OTOA: variants seen among roughly 807,000 people sequenced by gnomAD.
The protein encoded by OTOA is cancer/testis antigen 108.
OTOA carries 70 observed loss-of-function variants against 110.8 expected under a neutral mutation model. The observed-to-expected ratio is 0.63, with a 90% CI of 0.52 to 0.77. The LOEUF (loss-of-function observed/expected upper bound fraction) is 0.77, where lower values mean the gene tolerates loss of function less well. Ranked by LOEUF, OTOA falls within the 30% of genes least tolerant of loss-of-function variation. The pLI is 0.00. For missense variants in OTOA, 917 were observed against 1,075.8 expected (o/e 0.85, Z 2.06); for synonymous variants, 373 against 431.5 (o/e 0.86, Z 1.68).
intron 23 of OTOA, among the ~76,000 whole-genome samples, chr16:21,743,177 ACT>A (rs1899536480): frequency 2.1e-5 from 3 of 143,020 alleles, no homozygotes; most frequent in South Asian, 5.1e-4. Flanking sequence ...TTTACATAGC[ACT>A]TATATTGCAT....
chr16:21,674,585 C>T (rs902611974), intron 1 of OTOA, among the ~76,000 whole-genome samples: 2 of 151,908 alleles, frequency 1.3e-5, no homozygotes, highest in Non-Finnish European at 1.5e-5. Flanking sequence ...TCACCCACCT[C>T]GGCCTTCCAA....
chr16:21,759,368 G>A (rs1268574574), intron 28 of OTOA, among the ~76,000 whole-genome samples: 2 of 152,072 alleles, frequency 1.3e-5, no homozygotes, highest in African/African-American at 2.4e-5. Context: ...TACTTTGGAG[G>A]GAGTTCTGTA....
chr16:21,685,501 G>C, intron 7 of OTOA, 140 bp downstream of exon 7: 5 of 1,198,730 alleles, frequency 4.2e-6, no homozygotes, highest in Non-Finnish European at 5.8e-6. Context: ...CAACCCCCTG[G>C]GGGCTTTAGG....
chr16:21,701,581 A>C (rs1171800493), intron 11 of OTOA, among the ~76,000 whole-genome samples: 1 of 152,056 alleles, frequency 6.6e-6, no homozygotes, highest in Non-Finnish European at 1.5e-5. Flanking sequence ...AATGGGAAGG[A>C]GGTGGTGAGT....
intron 6 of OTOA, among the ~76,000 whole-genome samples, chr16:21,683,455 G>C (rs755329021): frequency 1.3e-5 from 2 of 152,134 alleles, no homozygotes; most frequent in Non-Finnish European, 2.9e-5. Flanking sequence ...CACTTTGAGA[G>C]GCATAGGTGG....
intron 6 of OTOA, chr16:21,684,311 A>G: frequency 2.2e-6 from 3 of 1,343,152 alleles, no homozygotes; most frequent in Non-Finnish European, 2.9e-6. Flanking sequence ...CACACTGGGC[A>G]TGTCTGTTTA....
At chr16:21,690,438 T>A (rs1897806888) in intron 8 of OTOA, among the ~76,000 whole-genome samples, 2 of 148,230 alleles carry the variant, frequency 1.3e-5, no homozygotes, top group South Asian at 4.5e-4. Context: ...AGTGAGAACA[T>A]GGGGTGTTTC....
rs1280503799 is a variant in OTOA, at chr16:21,753,337, CTCT to C, written c.3153+220_3153+222del. On this transcript the variant is annotated intron_variant, in intron 27 of 28. Coordinates refer to ENST00000646100, the MANE Select transcript of OTOA (RefSeq NM_144672.4). The stretch of plus-strand genomic sequence containing the variant: ...TTATATTTATTTTTACGGTCATCTT[CTCT>C]TCTTCTAGCAGGTGGTACTGATTTT... 4.0e-5 allele frequency among the ~76,000 whole-genome samples: 4 copies of C among 99,180 alleles called. 1 individual carries two copies. The highest frequency in any genetic ancestry group is 8.6e-5 in the Non-Finnish European group (4 of 46,602). The allele number at this position is 99,180 out of a possible 152,430, so 65.1% of individuals were successfully genotyped here.
At chr16:21,717,707 G>A (rs901803001) in intron 15 of OTOA, among the ~76,000 whole-genome samples, 5 of 152,114 alleles carry the variant, frequency 3.3e-5, no homozygotes, top group African/African-American at 2.4e-5. Flanking sequence ...TAGTACCATC[G>A]TTGACTACCT....
At chr16:21,668,117 G>T (rs112639405) in intron 1 of OTOA, among the ~76,000 whole-genome samples, 3,913 of 152,024 alleles carry the variant, frequency 0.026, 71 homozygotes, top group Middle Eastern at 0.071. Context: ...ACAATTTTTT[G>T]GGTTTTTTTG....
At chr16:21,724,192 T>C (rs1234286964) in intron 18 of OTOA, among the ~76,000 whole-genome samples, 3 of 152,160 alleles carry the variant, frequency 2.0e-5, no homozygotes, top group African/African-American at 4.8e-5. Flanking sequence ...CCAGATGGGT[T>C]TCATGCAGCC....
At chr16:21,735,750 CGACT>C (rs1342488312) in intron 21 of OTOA, among the ~76,000 whole-genome samples, 2 of 152,036 alleles carry the variant, frequency 1.3e-5, no homozygotes, top group African/African-American at 4.8e-5. Context: ...CATGCCACCA[CGACT>C]GACTAATTTT....
intron 8 of OTOA, among the ~76,000 whole-genome samples, chr16:21,690,097 T>C (rs1897797917): frequency 1.3e-5 from 2 of 152,146 alleles, no homozygotes; most frequent in South Asian, 4.1e-4. Context: ...AGACAATATG[T>C]ATGGAATATT....
intron 6 of OTOA, 91 bp from the exon 7 acceptor site, chr16:21,685,139 G>A (rs1350114894): frequency 1.1e-5 from 17 of 1,529,414 alleles, no homozygotes; most frequent in East Asian, 9.2e-5. Context: ...TGCAGGGAAT[G>A]AGGGGGCCGG....
At chr16:21,675,400 GC>G (rs1966855919) in intron 1 of OTOA, among the ~76,000 whole-genome samples, 1 of 127,312 alleles carries the variant, frequency 7.9e-6, no homozygotes, top group Admixed American at 1.0e-4. Context: ...CAAGTGATTT[GC>G]CCACCTCAAC....
chr16:21,679,993 A>G (rs2141653796), intron 5 of OTOA, among the ~76,000 whole-genome samples: 1 of 152,238 alleles, frequency 6.6e-6, no homozygotes, highest in East Asian at 1.9e-4. Flanking sequence ...GGAAACGCCA[A>G]TATTAATAAA....
intron 21 of OTOA, among the ~76,000 whole-genome samples, chr16:21,733,617 G>T (rs1389846422): frequency 6.7e-6 from 1 of 149,830 alleles, no homozygotes; most frequent in Non-Finnish European, 1.5e-5. Flanking sequence ...CTGGGCCCAT[G>T]GGCAGGCCTT....
chr16:21,687,250 C>G (rs1897734380), intron 7 of OTOA, among the ~76,000 whole-genome samples, 163 bp from the exon 8 acceptor site: 1 of 152,114 alleles, frequency 6.6e-6, no homozygotes, highest in Admixed American at 6.5e-5. Flanking sequence ...AAGGCCTTGA[C>G]TTTGTTCTGC....
chr16:21,686,742 A>T lies in OTOA; in HGVS notation c.400-671A>T, dbSNP rs1315481746. Among the ~76,000 whole-genome samples the T allele has an allele frequency of 2.6e-5, 4 of 152,074 alleles. No homozygotes were observed. In the East Asian group the frequency reaches 7.7e-4, roughly 29 times the overall value. ...CATGGCAAAACTCCATCTCTACAAA[A>T]AACAGCTGAGCATGGTGGTGTGTGC... On this transcript the variant is annotated intron_variant, in intron 7 of 28. Transcript: ENST00000646100.
Sources: allele counts gnomAD v4.1 joint callset (sites outside exome capture counted in the v4.1 genomes callset), GRCh38; gene constraint gnomAD v4.1.1; transcripts MANE v1.5; gene names NCBI Gene and HGNC (gene_info 2026-07-23, HGNC 2026-07-21).